FSTL4: variants seen among roughly 807,000 people sequenced by gnomAD.
FSTL4 encodes the protein follistatin-related protein 4.
Under a neutral mutation model 78.2 loss-of-function variants are expected in FSTL4, and 28 were observed. The ratio of observed to expected loss-of-function variants is 0.36; its 90% confidence interval spans 0.27 to 0.49. The LOEUF (loss-of-function observed/expected upper bound fraction) is 0.49. FSTL4 is among the 20% of genes least tolerant of loss of function. The probability of loss-of-function intolerance (pLI) is 0.98; values close to 1 mark genes in which losing one functional copy is unlikely to be tolerated. For missense variants in FSTL4, 922 were observed against 1,084.9 expected (o/e 0.85, Z 2.11); for synonymous variants, 422 against 440.5 (o/e 0.96, Z 0.53).
At chr5:133,610,520 G>A (rs1761067326) in intron 1 of FSTL4, among the ~76,000 whole-genome samples, 1 of 152,230 alleles carries the variant, frequency 6.6e-6, no homozygotes, top group Non-Finnish European at 1.5e-5. Context: ...ATGCTGCAGT[G>A]CCTCCTTCTC....
the FSTL4 span, among the ~76,000 whole-genome samples, chr5:133,638,672 TC>T: frequency 6.6e-6 from 1 of 152,212 alleles, no homozygotes; most frequent in Non-Finnish European, 1.5e-5. Flanking sequence ...CCCTGCTTTT[TC>T]TCCCATAGCA....
intron 6 of FSTL4, among the ~76,000 whole-genome samples, chr5:133,303,306 A>T (rs565908793): frequency 1.5e-4 from 23 of 152,312 alleles, no homozygotes; most frequent in African/African-American, 5.5e-4. Flanking sequence ...ATAAGTAGGG[A>T]TCAGTATTGC....
In FSTL4 at chr5:133,225,045, C is replaced by G. The variant is rs186874704; in HGVS notation, c.1312+105G>C. 2.8e-5 allele frequency: 37 copies of G among 1,321,136 alleles called. No homozygotes were observed. The African/African-American group carries it at 4.7e-4, about 17-fold the overall frequency. The allele number at this position is 1,321,136 out of a possible 1,614,324, so 81.8% of individuals were successfully genotyped here. Reference sequence around the variant, plus strand: ...GATATGAGGCTTACCCCTGTCTTCACGGGCTCATGGTTGGCAGCTGTGGCC... The same window carrying G: ...GATATGAGGCTTACCCCTGTCTTCAGGGGCTCATGGTTGGCAGCTGTGGCC... On this transcript the variant is annotated intron_variant, in intron 10 of 15. Transcript: ENST00000265342. This position sits in a 1 kb window ranked among gnomAD's most constrained non-coding sequence, Gnocchi z 4.6.
At chr5:133,777,409 C>G in the FSTL4 span, among the ~76,000 whole-genome samples, 2 of 152,202 alleles carry the variant, frequency 1.3e-5, no homozygotes, top group Non-Finnish European at 2.9e-5. Context: ...TATTTAACAA[C>G]TTTCTTATAA....
At chr5:133,367,271 A>G (rs1755199637) in intron 4 of FSTL4, among the ~76,000 whole-genome samples, 1 of 152,208 alleles carries the variant, frequency 6.6e-6, no homozygotes, top group African/African-American at 2.4e-5. Flanking sequence ...AAGGCCTGAG[A>G]TTCATGTCTA....
the FSTL4 span, among the ~76,000 whole-genome samples, chr5:133,664,320 T>TAAAAAA: frequency 4.0e-5 from 6 of 151,376 alleles, no homozygotes; most frequent in African/African-American, 1.5e-4. Flanking sequence ...CTTTTTTTTT[T>TAAAAAA]AAAAAAAATT....
rs184032754 is a variant in FSTL4 at position 133,256,766 on chromosome 5, A to T, written c.728-7190T>A. On this transcript the variant is annotated intron_variant, in intron 6 of 15. Coordinates refer to ENST00000265342, the MANE Select transcript of FSTL4 (RefSeq NM_015082.2). ...CAAAGCCACACAAGAGAGCACTTGCATCTGTCCCAAATCTCCTGTTTCCTT... is the reference window on the plus strand; with the variant it reads ...CAAAGCCACACAAGAGAGCACTTGCTTCTGTCCCAAATCTCCTGTTTCCTT... Among the ~76,000 whole-genome samples, 26 of 152,352 alleles carry T rather than the reference A, an allele frequency of 1.7e-4. No homozygotes were observed. In the East Asian group the frequency reaches 2.3e-3, roughly 14 times the overall value.
At chr5:133,250,762 A>T (rs1581569969) in intron 6 of FSTL4, among the ~76,000 whole-genome samples, 1 of 152,330 alleles carries the variant, frequency 6.6e-6, no homozygotes, top group South Asian at 2.1e-4. Flanking sequence ...CTGAATTGAA[A>T]CAGGGTCCTG....
chr5:133,506,052 G>A (rs1422342332), intron 3 of FSTL4, among the ~76,000 whole-genome samples: 3 of 152,192 alleles, frequency 2.0e-5, no homozygotes, highest in Non-Finnish European at 4.4e-5. Flanking sequence ...TGGAGCTGGG[G>A]AAGGACCTTC....
At chr5:133,681,672 A>G in the FSTL4 span, among the ~76,000 whole-genome samples, 1 of 152,184 alleles carries the variant, frequency 6.6e-6, no homozygotes, top group Non-Finnish European at 1.5e-5. Context: ...AATGCTGCTA[A>G]TCAGGAGGAA....
the FSTL4 span, among the ~76,000 whole-genome samples, chr5:133,823,286 G>C: frequency 6.6e-6 from 1 of 152,112 alleles, no homozygotes; most frequent in Admixed American, 6.6e-5. Context: ...CATCAGAAGA[G>C]GGTGTCCCAC....
chr5:133,549,314 T>C (rs1410599523), intron 3 of FSTL4, among the ~76,000 whole-genome samples: 1 of 152,182 alleles, frequency 6.6e-6, no homozygotes, highest in Admixed American at 6.5e-5. Flanking sequence ...CAGATGTATC[T>C]TCCAGTTCTC....
the FSTL4 span, among the ~76,000 whole-genome samples, chr5:133,654,736 C>T: frequency 1.3e-5 from 2 of 152,152 alleles, no homozygotes; most frequent in Non-Finnish European, 2.9e-5. Context: ...AGAAAGAGGA[C>T]AAAGTGATCA....
intron 2 of FSTL4, among the ~76,000 whole-genome samples, chr5:133,598,839 A>T (rs420012): frequency 0.094 from 14,257 of 152,276 alleles, 815 homozygotes; most frequent in African/African-American, 0.16. Flanking sequence ...CACAAGGGTG[A>T]TGTGGCAGAA....
rs1039613257 is a variant in FSTL4 at position 133,601,818 on chromosome 5, G to A, written c.126+2040C>T. The stretch of plus-strand genomic sequence containing the variant: ...GCCACCTCAGCCTCTCGAGTAGCTG[G>A]GACTACAGGAGTGCACCACCACACC... On this transcript the variant is annotated intron_variant, in intron 2 of 15. Coordinates refer to ENST00000265342, the MANE Select transcript of FSTL4 (RefSeq NM_015082.2). Among the ~76,000 whole-genome samples the A allele has an allele frequency of 2.0e-5, 3 of 151,770 alleles. No individual in the cohort carries two copies. The South Asian group carries it at 6.2e-4, about 32-fold the overall frequency.
intron 3 of FSTL4, among the ~76,000 whole-genome samples, chr5:133,563,275 G>A (rs1200280205): frequency 6.6e-6 from 1 of 152,154 alleles, no homozygotes; most frequent in East Asian, 1.9e-4. Flanking sequence ...TGGAAACAAA[G>A]CACCCCCAGC....
intron 3 of FSTL4, among the ~76,000 whole-genome samples, chr5:133,421,506 G>A (rs972088396): frequency 3.5e-5 from 5 of 141,698 alleles, no homozygotes; most frequent in Non-Finnish European, 7.9e-5. Flanking sequence ...TATGGGATAA[G>A]AGTTTCCCCA....
At chr5:133,840,419 T>C in the FSTL4 span, among the ~76,000 whole-genome samples, 1 of 152,242 alleles carries the variant, frequency 6.6e-6, no homozygotes, top group Non-Finnish European at 1.5e-5. Context: ...AATTAAAGTT[T>C]TGCTGATAAT....
intron 6 of FSTL4, among the ~76,000 whole-genome samples, chr5:133,277,312 C>CCA (rs772083186): frequency 7.0e-6 from 1 of 143,090 alleles, no homozygotes; most frequent in Non-Finnish European, 1.5e-5. Context: ...GACTCGGTCT[C>CCA]AAAAAAAAAA....
Sources: allele counts gnomAD v4.1 joint callset (sites outside exome capture counted in the v4.1 genomes callset), GRCh38; gene constraint gnomAD v4.1.1; non-coding constraint Gnocchi (gnomAD v3.1); transcripts MANE v1.5; gene names NCBI Gene and HGNC (gene_info 2026-07-23, HGNC 2026-07-21).